Variants in SDK1 observed in about 807,000 individuals in gnomAD.
The protein encoded by SDK1 is protein sidekick-1.
In SDK1, 157 loss-of-function variants were observed where a neutral mutation model predicts 245.5. The observed-to-expected ratio is 0.64, with a 90% CI of 0.56 to 0.73. The LOEUF is 0.73. Ranked by LOEUF, SDK1 falls within the 30% of genes least tolerant of loss-of-function variation. The probability of loss-of-function intolerance (pLI) is 0.00; values close to 1 mark genes in which losing one functional copy is unlikely to be tolerated. For missense variants in SDK1, 3,583 were observed against 3,002.3 expected (o/e 1.19, Z -4.52); for synonymous variants, 1,647 against 1,278.5 (o/e 1.29, Z -6.15).
At chr7:4,132,519 C>T in intron 28 of SDK1, 96 bp downstream of exon 28, 1 of 788,862 alleles carries the variant, frequency 1.3e-6, no homozygotes, top group South Asian at 1.5e-5. Flanking sequence ...CCCAGGAGTT[C>T]AAGACCAGCC....
intron 1 of SDK1, among the ~76,000 whole-genome samples, chr7:3,506,713 C>T (rs1184498853): frequency 1.3e-5 from 2 of 152,062 alleles, no homozygotes; most frequent in Non-Finnish European, 2.9e-5. Flanking sequence ...CTGATCTTTT[C>T]TTCTCCTATA....
At chr7:3,438,850 T>C (rs1780106186) in intron 1 of SDK1, among the ~76,000 whole-genome samples, 1 of 26,042 alleles carries the variant, frequency 3.8e-5, no homozygotes, top group African/African-American at 1.7e-4. Context: ...TGTATTAATA[T>C]TTTTTTTTTT....
At chr7:3,715,422 A>C (rs1785171340) in intron 4 of SDK1, among the ~76,000 whole-genome samples, 1 of 152,166 alleles carries the variant, frequency 6.6e-6, no homozygotes, top group South Asian at 2.1e-4. Flanking sequence ...TGACAGAGCC[A>C]CCAGCAACTG....
At chr7:3,310,228 C>T (rs1779518126) in intron 1 of SDK1, among the ~76,000 whole-genome samples, 2 of 152,146 alleles carry the variant, frequency 1.3e-5, no homozygotes, top group African/African-American at 2.4e-5. Flanking sequence ...CAAAGATAGA[C>T]TTAAAGCTTT....
At chr7:4,063,707 A>G (rs186124373) in intron 19 of SDK1, among the ~76,000 whole-genome samples, 2 of 152,220 alleles carry the variant, frequency 1.3e-5, no homozygotes, top group Admixed American at 6.5e-5. Flanking sequence ...CACACTACCT[A>G]TCTTTGAAAT....
chr7:3,640,983 T>A (rs1231010934), intron 3 of SDK1, among the ~76,000 whole-genome samples: 2 of 152,012 alleles, frequency 1.3e-5, no homozygotes, highest in African/African-American at 4.8e-5. Context: ...TGCTCTGCGT[T>A]TAGATTTTTT....
At position 4,041,589 on chromosome 7, in the gene SDK1, G is replaced by A. The variant is rs561848460; in HGVS notation, c.2603-7759G>A. ...GTTTCCTTGCCCTCAAAACCCCCAT[G>A]CTCCTCCTGTTCACCCCTCCTGACT... On this transcript the variant is annotated intron_variant, in intron 17 of 44. Transcript: ENST00000404826. Among the ~76,000 whole-genome samples, 230 of 152,066 alleles carry A rather than the reference G, an allele frequency of 1.5e-3. 4 individuals are homozygous for A. Among genetic ancestry groups the A allele is most frequent in the South Asian group, 4.8e-3 (23 of 4,806 alleles).
chr7:4,205,849 C>T (rs111377518), intron 35 of SDK1, 30 bp from the exon 36 acceptor site: 54 of 1,524,694 alleles, frequency 3.5e-5, no homozygotes, highest in Non-Finnish European at 8.9e-6. Flanking sequence ...ATGAACGTCT[C>T]AGCTTCTCTC....
At chr7:3,910,460 G>A (rs928691745) in intron 5 of SDK1, among the ~76,000 whole-genome samples, 3 of 152,122 alleles carry the variant, frequency 2.0e-5, no homozygotes, top group Non-Finnish European at 2.9e-5. Flanking sequence ...TGTGTGTGCC[G>A]GGCATCTGTG....
chr7:3,625,380 A>G (rs1407712731), intron 2 of SDK1, among the ~76,000 whole-genome samples: 1 of 152,234 alleles, frequency 6.6e-6, no homozygotes, highest in African/African-American at 2.4e-5. Flanking sequence ...AACTGGGACA[A>G]TATTTGCAAC....
chr7:3,692,951 A>G (rs557747164), intron 4 of SDK1, among the ~76,000 whole-genome samples: 8 of 152,054 alleles, frequency 5.3e-5, no homozygotes, highest in Non-Finnish European at 1.0e-4. Context: ...TCATTTATAT[A>G]TCATCCAGTA....
chr7:3,482,746 A>G (rs1017242890), intron 1 of SDK1, among the ~76,000 whole-genome samples: 4 of 152,224 alleles, frequency 2.6e-5, no homozygotes, highest in African/African-American at 7.2e-5. Context: ...TCTCTGGAGG[A>G]AAGCAGCTTC....
At chr7:4,252,544 T>G (rs1487891597) in intron 44 of SDK1, among the ~76,000 whole-genome samples, 1 of 152,208 alleles carries the variant, frequency 6.6e-6, no homozygotes, top group Admixed American at 6.5e-5. Context: ...TTCTATATGT[T>G]GCTGGATTCA....
chr7:3,307,769 T>C (rs1779454351), intron 1 of SDK1, among the ~76,000 whole-genome samples: 1 of 152,188 alleles, frequency 6.6e-6, no homozygotes, highest in Non-Finnish European at 1.5e-5. Flanking sequence ...ATTCTGTAAC[T>C]ACTGTGCAAT....
chr7:3,470,060 T>G (rs985412455), intron 1 of SDK1, among the ~76,000 whole-genome samples: 6 of 152,306 alleles, frequency 3.9e-5, no homozygotes, highest in Admixed American at 3.9e-4. Flanking sequence ...TATTTAACAC[T>G]AGCAGGGTCT....
chr7:3,931,226 A>T (rs977940915), intron 5 of SDK1, among the ~76,000 whole-genome samples: 1 of 152,222 alleles, frequency 6.6e-6, no homozygotes, highest in Non-Finnish European at 1.5e-5. Context: ...AGCTTCTCAA[A>T]TGAGAAATTC....
At chr7:3,571,146 T>G (rs1780101799) in intron 1 of SDK1, among the ~76,000 whole-genome samples, 1 of 152,056 alleles carries the variant, frequency 6.6e-6, no homozygotes, top group Admixed American at 6.6e-5. Flanking sequence ...TGGAGTCGAC[T>G]TACTGAAGTT....
At chr7:3,615,879 C>CT (rs200942027) in intron 1 of SDK1, among the ~76,000 whole-genome samples, 13,566 of 138,340 alleles carry the variant, frequency 0.098, 1,050 homozygotes, top group East Asian at 0.35. Flanking sequence ...TTTTTGCTGT[C>CT]TTTTTTTTTT....
In SDK1 at chr7:3,602,819, T is replaced by G. The variant is rs552739904; in HGVS notation, c.299-16261T>G. Among the ~76,000 whole-genome samples, 22 of 152,348 alleles carry G rather than the reference T, an allele frequency of 1.4e-4. No individual in the cohort carries two copies. The South Asian group carries it at 4.3e-3, about 30-fold the overall frequency. Reference sequence around the variant, plus strand: ...GTTTTTATAGTTTTAGGTCTAACATTTAAGTCTTTAATCCATCTTGAATTA... The same window carrying G: ...GTTTTTATAGTTTTAGGTCTAACATGTAAGTCTTTAATCCATCTTGAATTA... On this transcript the variant is annotated intron_variant, in intron 1 of 44. Transcript: ENST00000404826.
Sources: allele counts gnomAD v4.1 joint callset (sites outside exome capture counted in the v4.1 genomes callset), GRCh38; gene constraint gnomAD v4.1.1; transcripts MANE v1.5; gene names NCBI Gene and HGNC (gene_info 2026-07-23, HGNC 2026-07-21).